The following ITPR1 variants were observed in gnomAD, a reference collection of about 807,000 sequenced individuals.
The protein encoded by ITPR1 is inositol 1,4,5-trisphosphate receptor type 1.
In ITPR1, 96 loss-of-function variants were observed where a neutral mutation model predicts 318.4. The observed-to-expected ratio is 0.30, with a 90% confidence interval of 0.26 to 0.36. ITPR1 has a LOEUF of 0.36. Ranked by LOEUF, ITPR1 falls within the 10% of genes least tolerant of loss-of-function variation. ITPR1 has a pLI of 1.00. For missense variants in ITPR1, 2,440 were observed against 3,460.2 expected (o/e 0.71, Z 7.40); for synonymous variants, 1,312 against 1,289.9 (o/e 1.02, Z -0.37).
chr3:4,604,835 G>A (rs2091584889), intron 4 of ITPR1, among the ~76,000 whole-genome samples: 1 of 152,120 alleles, frequency 6.6e-6, no homozygotes, highest in Non-Finnish European at 1.5e-5. Flanking sequence ...CTATGGAAAT[G>A]CCAGCAAGAA....
chr3:4,553,229 GA>G (rs2085750084), intron 4 of ITPR1, among the ~76,000 whole-genome samples: 1 of 152,132 alleles, frequency 6.6e-6, no homozygotes, highest in South Asian at 2.1e-4. Context: ...CATTAAACAT[GA>G]ATGGAGTGAG....
chr3:4,715,503 G>A (rs2054871), intron 39 of ITPR1, among the ~76,000 whole-genome samples: 20,817 of 152,202 alleles, frequency 0.14, 1,496 homozygotes, highest in Admixed American at 0.15. Flanking sequence ...AGACTAGTGA[G>A]TAGCAAGTGG....
chr3:4,512,243 G>A (rs535708637), intron 2 of ITPR1, among the ~76,000 whole-genome samples: 114 of 152,256 alleles, frequency 7.5e-4, no homozygotes, highest in African/African-American at 2.6e-3. Flanking sequence ...TGTGATGACA[G>A]GCATGAGCCA....
chr3:4,706,173 GCCGGGCCATTGCCATTC>G lies in ITPR1; in HGVS notation c.4668_4684del (p.Ala1557GlyfsTer49). ...TCATCTTTCTCCTGTGCAGCCAAGA[GCCGGGCCATTGCCATTC>G]CCGTGGACCTGGACAGCCAAGTCAA... On this transcript the variant is annotated frameshift_variant, in exon 37 of 62. Transcript: ENST00000649015. LOFTEE classifies it high-confidence loss of function. The G allele has an allele frequency of 6.2e-7, 1 of 1,614,042 alleles. No individual in the cohort carries two copies.
chr3:4,747,454 T>C (rs2044191939), intron 44 of ITPR1, among the ~76,000 whole-genome samples: 1 of 152,210 alleles, frequency 6.6e-6, no homozygotes, highest in Admixed American at 6.5e-5. Flanking sequence ...GGCACAGACA[T>C]GGCCGCTTCA....
chr3:4,730,686 G>A (rs2042867413), intron 42 of ITPR1, among the ~76,000 whole-genome samples: 1 of 151,916 alleles, frequency 6.6e-6, no homozygotes, highest in South Asian at 2.1e-4. Flanking sequence ...TCAAAAACAC[G>A]AAGGGGGGAA....
At chr3:4,590,791 C>T (rs143735562) in intron 4 of ITPR1, among the ~76,000 whole-genome samples, 85 of 152,134 alleles carry the variant, frequency 5.6e-4, no homozygotes, top group African/African-American at 1.8e-3. Context: ...AAACACGTGT[C>T]ACGGGGGTTT....
chr3:4,650,593 T>C (rs1039112473), intron 10 of ITPR1, among the ~76,000 whole-genome samples: 5 of 142,086 alleles, frequency 3.5e-5, no homozygotes, highest in Non-Finnish European at 1.5e-5. Flanking sequence ...TTAATCTGAT[T>C]ATGATATGCC....
At chr3:4,719,187 T>C (rs2041975027) in intron 40 of ITPR1, among the ~76,000 whole-genome samples, 3 of 152,226 alleles carry the variant, frequency 2.0e-5, no homozygotes, top group South Asian at 4.1e-4. Flanking sequence ...GAATACTGTC[T>C]GTTTATAAAA....
At chr3:4,642,312 A>T (rs888080875) in intron 7 of ITPR1, 61 bp downstream of exon 7, 1 of 1,327,132 alleles carries the variant, frequency 7.5e-7, no homozygotes, top group African/African-American at 1.5e-5. Context: ...ATGACTGTAT[A>T]TTAGAGTTAA....
chr3:4,649,880 C>A (rs1406532906), intron 10 of ITPR1, among the ~76,000 whole-genome samples: 1 of 152,138 alleles, frequency 6.6e-6, no homozygotes, highest in Non-Finnish European at 1.5e-5. Flanking sequence ...TCTTATTCAT[C>A]AAGACTCGGC....
chr3:4,590,866 C>G (rs560126111), intron 4 of ITPR1, among the ~76,000 whole-genome samples: 1 of 152,198 alleles, frequency 6.6e-6, no homozygotes, highest in East Asian at 1.9e-4. Context: ...CTTTCTGCCC[C>G]TCTCTCTCCT....
intron 61 of ITPR1, among the ~76,000 whole-genome samples, chr3:4,839,478 G>A (rs1427873797): frequency 6.6e-6 from 1 of 152,176 alleles, no homozygotes; most frequent in Non-Finnish European, 1.5e-5. Context: ...ATCCAGTCAG[G>A]GGTGTGTGTG....
intron 4 of ITPR1, among the ~76,000 whole-genome samples, chr3:4,555,636 G>GT (rs983649523): frequency 3.3e-5 from 5 of 152,100 alleles, no homozygotes; most frequent in African/African-American, 9.7e-5. Context: ...CTACAATCTA[G>GT]TTTTTTTCAG....
chr3:4,545,737 A>T (rs1252481530), intron 4 of ITPR1, among the ~76,000 whole-genome samples: 2 of 127,932 alleles, frequency 1.6e-5, no homozygotes, highest in Non-Finnish European at 3.1e-5. Context: ...TTGCTCTGTC[A>T]CCCAGGCTAG....
intron 46 of ITPR1, among the ~76,000 whole-genome samples, chr3:4,771,982 C>A (rs1007176431): frequency 6.6e-6 from 1 of 152,052 alleles, no homozygotes; most frequent in African/African-American, 2.4e-5. Flanking sequence ...TCTGCAGGGC[C>A]CAGTTAGAAG....
intron 15 of ITPR1, among the ~76,000 whole-genome samples, chr3:4,662,460 C>T (rs1403193363): frequency 1.3e-5 from 2 of 152,192 alleles, no homozygotes; most frequent in African/African-American, 2.4e-5. Flanking sequence ...TAGTGGCTCA[C>T]ACCTGTAATC....
chr3:4,796,295 G>A (rs995855754), intron 53 of ITPR1, among the ~76,000 whole-genome samples: 2 of 90,608 alleles, frequency 2.2e-5, no homozygotes, highest in African/African-American at 4.5e-5. Context: ...CAAGTCCAGG[G>A]GGGATTTTTT....
rs116718577 is a variant in ITPR1 at position 4,623,360 on chromosome 3, T to A, written c.164-4403T>A. On this transcript the variant is annotated intron_variant, in intron 4 of 61. Transcript: ENST00000649015. ...TGCTAACTCAATGTGGCATATGCTCTAACTTTGGAATATTCCACCATAATT... is the reference window on the plus strand; with the variant it reads ...TGCTAACTCAATGTGGCATATGCTCAAACTTTGGAATATTCCACCATAATT... Among the ~76,000 whole-genome samples the A allele has an allele frequency of 1.7e-3, 263 of 152,368 alleles. 1 individual carries two copies. The highest frequency in any genetic ancestry group is 6.8e-3 in the Middle Eastern group (2 of 294).
Sources: allele counts gnomAD v4.1 joint callset (sites outside exome capture counted in the v4.1 genomes callset), GRCh38; gene constraint gnomAD v4.1.1; transcripts MANE v1.5; gene names NCBI Gene and HGNC (gene_info 2026-07-23, HGNC 2026-07-21).